The following KLHL22 variants were observed in gnomAD, a reference collection of about 807,000 sequenced individuals.
KLHL22 encodes the protein kelch-like protein 22.
In KLHL22, 18 loss-of-function variants were observed where a neutral mutation model predicts 60.7. That is an observed-to-expected ratio of 0.30 (90% CI 0.20 to 0.44). KLHL22 has a LOEUF of 0.44. Ranked by LOEUF, KLHL22 falls within the 20% of genes least tolerant of loss-of-function variation. The probability of loss-of-function intolerance (pLI) is 1.00; values close to 1 mark genes in which losing one functional copy is unlikely to be tolerated. For synonymous variants in KLHL22, 355 were observed against 354.5 expected (o/e 1.00, Z -0.01); for missense variants, 596 against 852.3 (o/e 0.70, Z 3.74).
chr22:20,451,219 T>C, intron 5 of KLHL22: 3 of 1,599,554 alleles, frequency 1.9e-6, no homozygotes, highest in Non-Finnish European at 2.6e-6. Context: ...TATGAATGTC[T>C]GATGAGGTCT....
At chr22:20,480,893 G>GC (rs2053488681) in intron 2 of KLHL22, among the ~76,000 whole-genome samples, 1 of 146,906 alleles carries the variant, frequency 6.8e-6, no homozygotes. Flanking sequence ...ATGCAGTGGC[G>GC]CGATCTCGGC....
chr22:20,478,082 T>C (rs182022805), intron 2 of KLHL22, among the ~76,000 whole-genome samples: 49 of 152,244 alleles, frequency 3.2e-4, no homozygotes, highest in African/African-American at 1.0e-3. Flanking sequence ...TTTCAACTTT[T>C]CTGTAGGATT....
chr22:20,472,559 C>T (rs993098653), intron 2 of KLHL22, among the ~76,000 whole-genome samples: 2 of 152,164 alleles, frequency 1.3e-5, no homozygotes, highest in African/African-American at 4.8e-5. Flanking sequence ...AACCCCGTCT[C>T]TACTAAAAAT....
chr22:20,455,214 T>C (rs2053044406), intron 5 of KLHL22, among the ~76,000 whole-genome samples: 1 of 152,074 alleles, frequency 6.6e-6, no homozygotes, highest in Non-Finnish European at 1.5e-5. Context: ...TTCCCCAACA[T>C]CTGATCCATC....
intron 3 of KLHL22, among the ~76,000 whole-genome samples, chr22:20,470,618 C>T (rs1011900819): frequency 1.3e-5 from 2 of 152,162 alleles, no homozygotes; most frequent in African/African-American, 4.8e-5. Flanking sequence ...CACTGCACTC[C>T]AGCCTGGGCA....
At position 20,450,774 on chromosome 22, in the gene KLHL22, A is replaced by G. The variant is rs551365601; in HGVS notation, c.1306-4098T>C. 3.4e-5 allele frequency: 46 copies of G among 1,334,044 alleles called. No individual in the cohort carries two copies. In the East Asian group the frequency reaches 1.0e-3, roughly 30 times the overall value. The allele number at this position is 1,334,044 out of a possible 1,614,324, so 82.6% of individuals were successfully genotyped here. On this transcript the variant is annotated intron_variant, in intron 5 of 6. Transcript: ENST00000328879. ...AGAAAGACTCCTTGCCCAGCCTGCT[A>G]CAGTATATGCAGATGCCCCTGCTAA...
At chr22:20,492,175 A>C (rs2053702204) in intron 1 of KLHL22, 2 of 152,098 alleles carry the variant, frequency 1.3e-5, no homozygotes, top group Non-Finnish European at 1.5e-5. Flanking sequence ...TAATTTTACT[A>C]TCAAAGCTAC....
chr22:20,451,835 A>C, intron 5 of KLHL22: 1 of 1,599,948 alleles, frequency 6.3e-7, no homozygotes, highest in Non-Finnish European at 8.6e-7. Flanking sequence ...CCATTGTTGG[A>C]GCACCATCCA....
chr22:20,489,935 A>T (rs1010988433), intron 1 of KLHL22: 2 of 378,350 alleles, frequency 5.3e-6, no homozygotes, highest in African/African-American at 4.3e-5. Context: ...TAAATTAAAG[A>T]TTATCTTCTA....
At chr22:20,478,508 CTTTTTT>C (rs1196419660) in intron 2 of KLHL22, among the ~76,000 whole-genome samples, 4 of 67,684 alleles carry the variant, frequency 5.9e-5, no homozygotes, top group East Asian at 6.2e-4. Context: ...AAACTTAATT[CTTTTTT>C]TTTTTTTTTT....
intron 2 of KLHL22, among the ~76,000 whole-genome samples, chr22:20,485,211 G>A (rs2053565750): frequency 6.6e-6 from 1 of 152,194 alleles, no homozygotes; most frequent in South Asian, 2.1e-4. Context: ...AAAGGACAGA[G>A]CCTTTGGGCT....
rs139279490 is a variant in KLHL22 at position 20,442,279 on chromosome 22, C to G, written c.1699G>C (p.Asp567His). Residue 567 changes from aspartate (D) to histidine (H), a missense_variant, in exon 7 of 7, where the codon GAT becomes CAT. Coordinates refer to ENST00000328879, the MANE Select transcript of KLHL22 (RefSeq NM_032775.4). ...TCCTCCCAGCAGTCCTTCTCCACATCGTAAATGTGCACGTAGCCTGTGCGG... is the reference window on the plus strand; with the variant it reads ...TCCTCCCAGCAGTCCTTCTCCACATGGTAAATGTGCACGTAGCCTGTGCGG... ...GSRTGYVHIY[D>H]VEKDCWEEGP... The G allele has an allele frequency of 3.1e-6, 5 of 1,613,946 alleles. No homozygotes were observed. The highest frequency in any genetic ancestry group is 4.5e-5 in the East Asian group (2 of 44,882).
Position 20,442,031 on chromosome 22 carries a change from C to A in KLHL22, c.*42G>T, listed in dbSNP as rs2052766330. The A allele has an allele frequency of 4.0e-6, 6 of 1,488,510 alleles. No individual in the cohort carries two copies. The East Asian group carries it at 1.4e-4, about 36-fold the overall frequency. 92.2% of individuals were successfully genotyped at this position (1,488,510 alleles called of 1,614,324 possible). ...AGGCTGCGTGGGTTTCACTGCCCTG[C>A]AGCCCCAGCCTCCCTTCCCTCTGAT... On this transcript the variant is annotated 3_prime_UTR_variant, in exon 7 of 7. Coordinates refer to ENST00000328879, the MANE Select transcript of KLHL22 (RefSeq NM_032775.4).
intron 3 of KLHL22, among the ~76,000 whole-genome samples, chr22:20,470,720 A>T (rs1160380194): frequency 8.0e-6 from 1 of 125,334 alleles, no homozygotes; most frequent in African/African-American, 2.6e-5. Context: ...GGATGCATGC[A>T]TGGATGGATG....
At position 20,465,447 on chromosome 22, in the gene KLHL22, T is replaced by C. The variant is rs757416917; in HGVS notation, c.523A>G (p.Ile175Val). Reference protein sequence around the residue: ...SRLTEQLDTYILKNFVAFSRT... With the variant: ...SRLTEQLDTYVLKNFVAFSRT... ...GAGAAGGCCACAAAGTTTTTGAGGATATAGGTGTCCAGTTGCTCAGTCAGG... is the reference window on the plus strand; with the variant it reads ...GAGAAGGCCACAAAGTTTTTGAGGACATAGGTGTCCAGTTGCTCAGTCAGG... The change falls in exon 4 of 7, where the codon ATC (isoleucine) becomes GTC (valine). Residue 175 changes from isoleucine (I) to valine (V), a missense_variant. Physicochemically the swap from Ile to Val is conservative, Grantham distance 29. Transcript: ENST00000328879. The surrounding 1 kb of genome is among the most constrained non-coding windows in gnomAD (Gnocchi z 4.9). 13 of 1,613,970 alleles carry C rather than the reference T, an allele frequency of 8.1e-6. No homozygotes were observed. Among genetic ancestry groups the C allele is most frequent in the African/African-American group, 2.7e-5 (2 of 75,000 alleles).
Position 20,465,401 on chromosome 22 carries a change from T to A in KLHL22, c.569A>T (p.Gln190Leu). The change falls in exon 4 of 7, where the codon CAG becomes CTG. Residue 190 changes from glutamine (Q) to leucine (L), a missense_variant. Physicochemically the swap from Gln to Leu is moderately radical, Grantham distance 113. Coordinates refer to ENST00000328879, the MANE Select transcript of KLHL22 (RefSeq NM_032775.4). The surrounding 1 kb of genome is among the most constrained non-coding windows in gnomAD (Gnocchi z 4.9). ...GGAGTAGACCTTCTCCAATGGAAGC[T>A]GGCGGTACTTGTCAGTCCGAGAGAA... ...VAFSRTDKYR[Q>L]LPLEKVYSLL... 6.2e-7 allele frequency: 1 copy of A among 1,614,162 alleles called. No homozygotes were observed. Among genetic ancestry groups the A allele is most frequent in the Non-Finnish European group, 8.5e-7 (1 of 1,180,024 alleles).
At chr22:20,469,997 CA>C (rs549818126) in intron 3 of KLHL22, among the ~76,000 whole-genome samples, 6 of 152,182 alleles carry the variant, frequency 3.9e-5, no homozygotes, top group Admixed American at 3.9e-4. Flanking sequence ...GTCACACTGT[CA>C]AAGCCTCAGA....
At chr22:20,457,628 T>C (rs1163296221) in intron 5 of KLHL22, among the ~76,000 whole-genome samples, 180 bp downstream of exon 5, 2 of 152,222 alleles carry the variant, frequency 1.3e-5, no homozygotes, top group Non-Finnish European at 2.9e-5. Context: ...GTGGACTGGC[T>C]GAACCTCATG....
In KLHL22 at chr22:20,459,730, C is replaced by CT. The variant is rs552599171; in HGVS notation, c.1113-1731dup. Among the ~76,000 whole-genome samples, 84 of 152,336 alleles carry CT rather than the reference C, an allele frequency of 5.5e-4. 2 individuals carry two copies. In the South Asian group the frequency reaches 0.015, roughly 27 times the overall value. On this transcript the variant is annotated intron_variant, in intron 4 of 6. Coordinates refer to ENST00000328879, the MANE Select transcript of KLHL22 (RefSeq NM_032775.4). ...ACCAGCAATGAATCATTCATTCACT[C>CT]TACCAACATTCCCAGGTCTCCCACT...
Sources: allele counts gnomAD v4.1 joint callset (sites outside exome capture counted in the v4.1 genomes callset), GRCh38; gene constraint gnomAD v4.1.1; non-coding constraint Gnocchi (gnomAD v3.1); transcripts MANE v1.5; gene names NCBI Gene and HGNC (gene_info 2026-07-23, HGNC 2026-07-21).